Variants in COL4A3 observed in about 807,000 individuals in gnomAD.
The protein encoded by COL4A3 is collagen alpha-3(IV) chain.
Under a neutral mutation model 217.4 loss-of-function variants are expected in COL4A3, and 135 were observed. The ratio of observed to expected loss-of-function variants is 0.62; its 90% CI spans 0.54 to 0.72. The LOEUF (loss-of-function observed/expected upper bound fraction) is 0.72, where lower values mean the gene tolerates loss of function less well. COL4A3 is among the 30% of genes least tolerant of loss of function. The pLI is 0.00. For synonymous variants in COL4A3, 690 were observed against 736.3 expected (o/e 0.94, Z 1.02); for missense variants, 1,868 against 2,119.9 (o/e 0.88, Z 2.33).
Position 227,280,585 on chromosome 2 carries a change from C to G in COL4A3, c.2369C>G (p.Pro790Arg). ...CCAGGAAATGAAGGGCTTGATGGAC[C>G]ACGAGGTACAATAGCAAGTGTCATT... is the stretch of plus-strand genomic sequence containing the variant. ...GTPGNEGLDG[P>R]RGDPGQPGPP... Residue 790 changes from proline (P) to arginine (R), a missense_variant, in exon 30 of 52, where the codon CCA becomes CGA. Transcript: ENST00000396578. 6.2e-7 allele frequency: 1 copy of G among 1,613,986 alleles called. No homozygotes were observed. Among genetic ancestry groups the G allele is most frequent in the South Asian group, 1.1e-5 (1 of 91,062 alleles).
chr2:227,260,102 T>C (rs1356164045), intron 19 of COL4A3: 1 of 704,902 alleles, frequency 1.4e-6, no homozygotes, highest in Admixed American at 1.8e-5. Flanking sequence ...TAGCAAAACA[T>C]AAAGTTCAAA....
intron 1 of COL4A3, among the ~76,000 whole-genome samples, chr2:227,229,679 A>T (rs2068284758): frequency 1.3e-5 from 2 of 152,198 alleles, no homozygotes; most frequent in Admixed American, 6.5e-5. Flanking sequence ...TAGTGACAGC[A>T]TCTCAACTCC....
At chr2:227,309,747 C>G (rs941652395) in intron 50 of COL4A3, among the ~76,000 whole-genome samples, 1 of 151,932 alleles carries the variant, frequency 6.6e-6, no homozygotes, top group African/African-American at 2.4e-5. Flanking sequence ...GATTGCAGGT[C>G]TGTGCTACCA....
At chr2:227,268,218 CCTTT>C (rs377701322) in intron 23 of COL4A3, 109 of 152,404 alleles carry the variant, frequency 7.2e-4, no homozygotes, top group African/African-American at 2.5e-3. Context: ...TGCCTCCATT[CCTTT>C]ATCTCTCACA....
intron 31 of COL4A3, among the ~76,000 whole-genome samples, chr2:227,281,441 G>A (rs1227734915): frequency 6.6e-6 from 1 of 152,076 alleles, no homozygotes; most frequent in Non-Finnish European, 1.5e-5. Context: ...ATATGTAGTT[G>A]ATTGTTTTAC....
Position 227,250,727 on chromosome 2 carries a change from G to C in COL4A3, c.547-413G>C, listed in dbSNP as rs2125923431. ...ATGGAAAGGATGACAATTGCATAAA[G>C]ACAAGAAAAGGAAAAGGGAGTGAGT... On this transcript the variant is annotated intron_variant, in intron 9 of 51. Transcript: ENST00000396578. The surrounding 1 kb of genome is among the most constrained non-coding windows in gnomAD (Gnocchi z 4.1). Among the ~76,000 whole-genome samples the C allele has an allele frequency of 6.6e-6, 1 of 152,252 alleles. No homozygotes were observed. The highest frequency in any genetic ancestry group is 1.9e-4 in the East Asian group (1 of 5,178).
At chr2:227,203,049 A>G (rs374779906) in intron 1 of COL4A3, among the ~76,000 whole-genome samples, 1 of 36,200 alleles carries the variant, frequency 2.8e-5, no homozygotes, top group South Asian at 1.3e-3. Context: ...ATATGTGTAT[A>G]TATGTGTATA....
At chr2:227,222,194 A>C (rs1172854702) in intron 1 of COL4A3, among the ~76,000 whole-genome samples, 1 of 150,450 alleles carries the variant, frequency 6.6e-6, no homozygotes, top group African/African-American at 2.4e-5. Flanking sequence ...CTCCTTAAGC[A>C]CCCTTGACAT....
At chr2:227,218,041 A>G (rs2067592151) in intron 1 of COL4A3, among the ~76,000 whole-genome samples, 2 of 143,594 alleles carry the variant, frequency 1.4e-5, no homozygotes, top group African/African-American at 5.1e-5. Context: ...ATATAGTTAT[A>G]ACTATATTTA....
chr2:227,245,696 G>C (rs2069293095), intron 5 of COL4A3: 1 of 534,702 alleles, frequency 1.9e-6, no homozygotes, highest in African/African-American at 1.9e-5. Flanking sequence ...CATGTTAAAG[G>C]ACTCTTTTAT....
chr2:227,306,739 G>A (rs750790508), intron 47 of COL4A3, among the ~76,000 whole-genome samples: 1 of 152,116 alleles, frequency 6.6e-6, no homozygotes, highest in Non-Finnish European at 1.5e-5. Flanking sequence ...GACCCTGCCT[G>A]ACTCCCAGGG....
chr2:227,266,598 C>T, intron 22 of COL4A3, 89 bp downstream of exon 22: 1 of 953,472 alleles, frequency 1.0e-6, no homozygotes, highest in Non-Finnish European at 1.7e-6. Context: ...AACAATGATC[C>T]CAAATAGCTA....
intron 9 of COL4A3, among the ~76,000 whole-genome samples, chr2:227,249,616 G>A (rs368364978): frequency 6.6e-6 from 1 of 152,184 alleles, no homozygotes; most frequent in South Asian, 2.1e-4. Flanking sequence ...GCCTAAGTGA[G>A]TTTGAGGTGA....
At chr2:227,305,353 GTGTT>G in intron 47 of COL4A3, 1 of 410,924 alleles carries the variant, frequency 2.4e-6, no homozygotes. Flanking sequence ...AGTCCTATGG[GTGTT>G]CTTTCAAAAA....
chr2:227,203,025 G>A (rs187449297), intron 1 of COL4A3, among the ~76,000 whole-genome samples: 1 of 20,100 alleles, frequency 5.0e-5, no homozygotes, highest in Admixed American at 6.4e-4. Context: ...GTGTATATAT[G>A]TGTATATATA....
At position 227,273,103 on chromosome 2, in the gene COL4A3, C is replaced by T. The variant is rs950849463; in HGVS notation, c.1913C>T (p.Pro638Leu). 2 of 1,613,704 alleles carry T rather than the reference C, an allele frequency of 1.2e-6. No individual in the cohort carries two copies. The highest frequency in any genetic ancestry group is 2.7e-5 in the African/African-American group (2 of 74,914). The change falls in exon 26 of 52, where the codon CCA becomes CTA. Residue 638 changes from proline to leucine, a missense_variant. Physicochemically the swap from Pro to Leu is moderately conservative, Grantham distance 98. Around this residue, in one of 2 missense-constraint regions of COL4A3, gnomAD observed 1,503 missense variants for 1,786.1 expected, o/e 0.84. Transcript: ENST00000396578. ...GTQGVPGAPG[P>L]PGEAGPRGEL... ...CAAGGAGTTCCTGGAGCCCCCGGAC[C>T]ACCCGGAGAAGCCGGTTGGTTAGTT...
intron 14 of COL4A3, among the ~76,000 whole-genome samples, 185 bp downstream of exon 14, chr2:227,254,359 A>G (rs2070012231): frequency 6.6e-6 from 1 of 152,130 alleles, no homozygotes; most frequent in Non-Finnish European, 1.5e-5. Flanking sequence ...ATACAATAAC[A>G]TTTGACCGCA....
chr2:227,251,198 TC>T lies in COL4A3; in HGVS notation c.606del (p.Phe203LeufsTer20). 1 of 1,613,288 alleles carries T rather than the reference TC, an allele frequency of 6.2e-7. No homozygotes were observed. Among genetic ancestry groups the T allele is most frequent in the Non-Finnish European group, 8.5e-7 (1 of 1,179,348 alleles). ...GTTGGCCCACCTGGTCCTCCGGGAT[TC>T]TTTGTGAGTATCAAGTCATCCTTGC... ...GPVGPPGPPGFFGFPGAMGPR... is the reference protein window; with the variant it reads ...GPVGPPGPPGXFGFPGAMGPR... On this transcript the variant is annotated frameshift_variant, in exon 10 of 52. Transcript: ENST00000396578. LOFTEE classifies it high-confidence loss of function.
intron 1 of COL4A3, among the ~76,000 whole-genome samples, chr2:227,197,753 G>C (rs1278155124): frequency 6.6e-6 from 1 of 152,214 alleles, no homozygotes; most frequent in East Asian, 1.9e-4. Flanking sequence ...AAGCAGAGTA[G>C]TCAATACTCT....
Sources: gnomAD v4.1 joint callset for allele counts (sites outside exome capture counted in the v4.1 genomes callset) on GRCh38, gnomAD v4.1.1 for gene constraint, gnomAD v4.1.1 regional missense constraint, Gnocchi (gnomAD v3.1) non-coding constraint, MANE v1.5 for transcripts, NCBI Gene and HGNC (gene_info 2026-07-23, HGNC 2026-07-21) for gene names.